Variants in DPH6 observed in about 807,000 individuals in gnomAD.
The protein encoded by DPH6 is diphthamine biosynthesis 6.
In DPH6, 33 loss-of-function variants were observed where a neutral mutation model predicts 38.2. The ratio of observed to expected loss-of-function variants is 0.86; its 90% CI spans 0.65 to 1.15. DPH6 has a LOEUF of 1.15. DPH6 is among the 50% of genes most tolerant of loss of function. The pLI, the probability that DPH6 is intolerant of heterozygous loss-of-function variation, is 0.00. For missense variants in DPH6, 325 were observed against 320.0 expected, an observed-to-expected ratio of 1.02 and a Z score of -0.12; for synonymous variants, 108 against 103.0, an observed-to-expected ratio of 1.05 and a Z score of -0.30.
At chr15:35,269,498 C>G (rs374211772) in intron 3 of DPH6, among the ~76,000 whole-genome samples, 21 of 152,006 alleles carry the variant, frequency 1.4e-4, no homozygotes, top group South Asian at 2.1e-4. Flanking sequence ...TTTTTTGAGA[C>G]GGAGTCACCC....
the DPH6 span, among the ~76,000 whole-genome samples, chr15:35,195,453 C>T: frequency 6.6e-6 from 1 of 151,984 alleles, no homozygotes; most frequent in Non-Finnish European, 1.5e-5. Context: ...GAAAAGATAC[C>T]AGAGGTCTTG....
intron 3 of DPH6, among the ~76,000 whole-genome samples, chr15:35,296,389 C>G (rs1235543692): frequency 6.6e-6 from 1 of 152,204 alleles, no homozygotes; most frequent in Non-Finnish European, 1.5e-5. Flanking sequence ...CTCCCTTCGT[C>G]TAAAATTTTT....
chr15:35,275,267 C>A (rs994564711), intron 3 of DPH6, among the ~76,000 whole-genome samples: 1 of 152,182 alleles, frequency 6.6e-6, no homozygotes, highest in Non-Finnish European at 1.5e-5. Context: ...TTTATTGCAG[C>A]ACTATTTACA....
chr15:35,200,983 CTTTTTT>C, the DPH6 span, among the ~76,000 whole-genome samples: 2 of 123,876 alleles, frequency 1.6e-5, no homozygotes, highest in Non-Finnish European at 3.3e-5. Flanking sequence ...AATAATTTCC[CTTTTTT>C]TTTTTTTTTT....
chr15:35,436,452 T>C (rs182343510), intron 5 of DPH6, among the ~76,000 whole-genome samples: 214 of 108,658 alleles, frequency 2.0e-3, no homozygotes, highest in African/African-American at 6.9e-3. Context: ...GGAGACAGAG[T>C]GAGACTCCGT....
At chr15:35,339,747 G>A (rs951118391) in intron 3 of DPH6, among the ~76,000 whole-genome samples, 1 of 152,146 alleles carries the variant, frequency 6.6e-6, no homozygotes, top group South Asian at 2.1e-4. Context: ...TGGTTGGAGA[G>A]ACTGTTTTTT....
At chr15:35,365,260 A>G (rs2052647643) in intron 3 of DPH6, among the ~76,000 whole-genome samples, 1 of 152,058 alleles carries the variant, frequency 6.6e-6, no homozygotes, top group Non-Finnish European at 1.5e-5. Flanking sequence ...TCATGAACAC[A>G]TCTAATGTAT....
intron 3 of DPH6, among the ~76,000 whole-genome samples, chr15:35,460,255 A>G (rs1250632799): frequency 6.6e-6 from 1 of 152,246 alleles, no homozygotes; most frequent in African/African-American, 2.4e-5. Context: ...ATAATTAATC[A>G]GTGAATGAAT....
the DPH6 span, among the ~76,000 whole-genome samples, chr15:35,150,880 G>A: frequency 6.6e-6 from 1 of 152,042 alleles, no homozygotes; most frequent in African/African-American, 2.4e-5. Context: ...TAAAAACAAA[G>A]GGTTTTTTTC....
downstream of DPH6, among the ~76,000 whole-genome samples, chr15:35,330,167 C>T (rs748039338): frequency 6.6e-6 from 1 of 152,046 alleles, no homozygotes; most frequent in Non-Finnish European, 1.5e-5. Flanking sequence ...TTGCTTTCTA[C>T]AAAATGCTAA....
intron 3 of DPH6, among the ~76,000 whole-genome samples, chr15:35,331,243 T>A (rs1386934248): frequency 6.6e-6 from 1 of 152,202 alleles, no homozygotes; most frequent in East Asian, 1.9e-4. Context: ...CCTTTATCAC[T>A]GGGTTTTAAT....
chr15:35,511,558 G>A (rs950423045), intron 3 of DPH6, among the ~76,000 whole-genome samples: 3 of 152,030 alleles, frequency 2.0e-5, no homozygotes, highest in Admixed American at 6.6e-5. Context: ...AAAAGTAGAA[G>A]AAACAAAGTA....
intron 3 of DPH6, among the ~76,000 whole-genome samples, chr15:35,235,274 C>T (rs1010651058): frequency 1.3e-5 from 2 of 152,180 alleles, no homozygotes; most frequent in Admixed American, 6.5e-5. Flanking sequence ...TTTGGACAAC[C>T]TTGTGGTATA....
At chr15:35,302,491 G>C (rs959171596) in intron 3 of DPH6, among the ~76,000 whole-genome samples, 4 of 152,096 alleles carry the variant, frequency 2.6e-5, no homozygotes, top group Non-Finnish European at 4.4e-5. Flanking sequence ...CTAGAAAATT[G>C]AGACATTTAT....
At chr15:35,158,895 T>A in the DPH6 span, among the ~76,000 whole-genome samples, 1 of 152,110 alleles carries the variant, frequency 6.6e-6, no homozygotes, top group African/African-American at 2.4e-5. Context: ...CTCCACCTAC[T>A]ATCTGCCTGC....
chr15:35,196,918 T>C, the DPH6 span, among the ~76,000 whole-genome samples: 2 of 152,218 alleles, frequency 1.3e-5, no homozygotes, highest in East Asian at 3.8e-4. Flanking sequence ...TTTTTGGGAT[T>C]CTTGAATAAA....
chr15:35,491,508 A>G (rs891528580), intron 3 of DPH6, among the ~76,000 whole-genome samples: 12 of 150,592 alleles, frequency 8.0e-5, no homozygotes, highest in Admixed American at 1.3e-4. Context: ...ATATAAGGTT[A>G]TATTATTCAG....
chr15:35,394,632 C>T (rs752052032), intron 6 of DPH6, among the ~76,000 whole-genome samples: 13 of 152,170 alleles, frequency 8.5e-5, no homozygotes, highest in Admixed American at 3.9e-4. Context: ...GTTCTTGGTT[C>T]ATTCAAATCC....
intron 6 of DPH6, chr15:35,401,720 T>C (rs1432522549): frequency 1.5e-5 from 11 of 726,780 alleles, no homozygotes; most frequent in Non-Finnish European, 2.0e-5. Flanking sequence ...AAGGTGGCTA[T>C]GGTGGTTCCA....
Sources: gnomAD v4.1 joint callset for allele counts (sites outside exome capture counted in the v4.1 genomes callset) on GRCh38, gnomAD v4.1.1 for gene constraint, MANE v1.5 for transcripts, NCBI Gene and HGNC (gene_info 2026-07-23, HGNC 2026-07-21) for gene names.